Variants in PTN observed in about 807,000 individuals in gnomAD.
PTN encodes heparin affin regulatory protein.
In PTN, 18 loss-of-function variants were observed where a neutral mutation model predicts 24.1. That is an observed-to-expected ratio of 0.75 (90% confidence interval 0.52 to 1.11). The LOEUF (loss-of-function observed/expected upper bound fraction) is 1.11. Among genes scored for constraint, PTN ranks in the 50% least tolerant of loss-of-function variants. The pLI is 0.00. For missense variants in PTN, 163 were observed against 198.8 expected, an observed-to-expected ratio of 0.82 and a Z score of 1.08; for synonymous variants, 78 against 68.6, an observed-to-expected ratio of 1.14 and a Z score of -0.67.
intron 1 of PTN, among the ~76,000 whole-genome samples, chr7:137,269,602 T>C (rs534352879): frequency 1.1e-4 from 17 of 151,544 alleles, no homozygotes; most frequent in African/African-American, 4.1e-4. Flanking sequence ...TTGGTCTTGC[T>C]ATCTGTCAAG....
chr7:137,322,080 C>T (rs1482583942), intron 1 of PTN, among the ~76,000 whole-genome samples: 1 of 152,160 alleles, frequency 6.6e-6, no homozygotes, highest in African/African-American at 2.4e-5. Flanking sequence ...CCCTCCTTCC[C>T]TCGTACGTAG....
intron 1 of PTN, among the ~76,000 whole-genome samples, chr7:137,314,543 T>A (rs980359082): frequency 6.6e-6 from 1 of 151,544 alleles, no homozygotes; most frequent in African/African-American, 2.4e-5. Flanking sequence ...GTATACATTA[T>A]GCCTATTTTT....
intron 1 of PTN, among the ~76,000 whole-genome samples, chr7:137,311,478 C>T (rs1378778929): frequency 6.6e-6 from 1 of 152,160 alleles, no homozygotes; most frequent in African/African-American, 2.4e-5. Flanking sequence ...TTGCTTTTGG[C>T]CTATCTTGAC....
chr7:137,338,119 G>A (rs967123184), intron 1 of PTN, among the ~76,000 whole-genome samples: 1 of 151,980 alleles, frequency 6.6e-6, no homozygotes, highest in Non-Finnish European at 1.5e-5. Context: ...ACCTAGAGGG[G>A]GCATTTGCCT....
At chr7:137,256,828 A>G (rs1191139033) in intron 1 of PTN, among the ~76,000 whole-genome samples, 1 of 146,658 alleles carries the variant, frequency 6.8e-6, no homozygotes, top group East Asian at 2.0e-4. Flanking sequence ...AAAACAAAAC[A>G]AAAACCCCAT....
Position 137,275,984 on chromosome 7 carries a change from C to G in PTN, c.-1-21010G>C, listed in dbSNP as rs575679119. Among the ~76,000 whole-genome samples the G allele has an allele frequency of 9.2e-5, 14 of 152,308 alleles. No individual in the cohort carries two copies. The South Asian group carries it at 2.5e-3, about 27-fold the overall frequency. On this transcript the variant is annotated intron_variant, in intron 1 of 4. Transcript: ENST00000348225. ...AAAACATAATTAACAAAACAGCATG[C>G]AGGTTTTCAAATTCACTGCCATACA...
At chr7:137,243,404 A>G (rs1418517381) in intron 4 of PTN, among the ~76,000 whole-genome samples, 1 of 152,172 alleles carries the variant, frequency 6.6e-6, no homozygotes, top group Admixed American at 6.5e-5. Flanking sequence ...CTAATGCAAG[A>G]TTACCCTTGG....
In PTN at chr7:137,261,672, G is replaced by A. The variant is rs118181755; in HGVS notation, c.-1-6698C>T. Among the ~76,000 whole-genome samples, 960 of 152,298 alleles carry A rather than the reference G, an allele frequency of 6.3e-3. 9 individuals carry two copies. Among genetic ancestry groups the A allele is most frequent in the Middle Eastern group, 0.02 (6 of 294 alleles). Reference sequence around the variant, plus strand: ...TACGTGACATGGGAGCATTCAGAACGAAGACCCAAAGATTCAGGAGAAAAA... The same window carrying A: ...TACGTGACATGGGAGCATTCAGAACAAAGACCCAAAGATTCAGGAGAAAAA... On this transcript the variant is annotated intron_variant, in intron 1 of 4. Coordinates refer to ENST00000348225, the MANE Select transcript of PTN (RefSeq NM_002825.7).
chr7:137,307,637 C>T (rs1334682607), intron 1 of PTN, among the ~76,000 whole-genome samples: 1 of 152,024 alleles, frequency 6.6e-6, no homozygotes, highest in African/African-American at 2.4e-5. Flanking sequence ...TACATTACCT[C>T]CACAGTATGT....
At chr7:137,313,285 T>C (rs2128880119) in intron 1 of PTN, among the ~76,000 whole-genome samples, 1 of 152,252 alleles carries the variant, frequency 6.6e-6, no homozygotes, top group East Asian at 1.9e-4. Flanking sequence ...AAACAAACTT[T>C]TAAAAAGAAA....
intron 1 of PTN, among the ~76,000 whole-genome samples, chr7:137,309,218 C>T (rs1809939523): frequency 1.3e-5 from 2 of 152,198 alleles, no homozygotes; most frequent in East Asian, 3.9e-4. Flanking sequence ...TTTATGTTTA[C>T]ACTACACTGT....
chr7:137,277,520 G>A (rs1809380209), intron 1 of PTN, among the ~76,000 whole-genome samples: 1 of 152,116 alleles, frequency 6.6e-6, no homozygotes, highest in Admixed American at 6.6e-5. Flanking sequence ...TCTATCAACA[G>A]GTACATTGAT....
At chr7:137,257,322 C>T (rs1003476416) in intron 1 of PTN, among the ~76,000 whole-genome samples, 3 of 152,244 alleles carry the variant, frequency 2.0e-5, no homozygotes, top group South Asian at 2.1e-4. Flanking sequence ...AAGTAAAAAT[C>T]GCAGTTACTT....
At chr7:137,274,057 A>G (rs1254586606) in intron 1 of PTN, among the ~76,000 whole-genome samples, 1 of 151,564 alleles carries the variant, frequency 6.6e-6, no homozygotes, top group Non-Finnish European at 1.5e-5. Context: ...ACACACACAA[A>G]TAGCCTCTTA....
chr7:137,245,232 A>G (rs1326140836), intron 4 of PTN, among the ~76,000 whole-genome samples: 1 of 152,222 alleles, frequency 6.6e-6, no homozygotes, highest in Non-Finnish European at 1.5e-5. Flanking sequence ...GTTTGATTAG[A>G]ATGATAAAGA....
chr7:137,286,700 T>A, intron 1 of PTN, among the ~76,000 whole-genome samples: 1 of 152,138 alleles, frequency 6.6e-6, no homozygotes, highest in Admixed American at 6.5e-5. Flanking sequence ...CATATAGAGA[T>A]AAGCACCTCA....
chr7:137,255,077 T>A, intron 1 of PTN, 103 bp from the exon 2 acceptor site: 1 of 714,470 alleles, frequency 1.4e-6, no homozygotes, highest in Non-Finnish European at 2.1e-6. Flanking sequence ...ATTTCTGGAA[T>A]GTTAGATTTC....
chr7:137,298,566 T>C (rs1809755844), intron 1 of PTN, among the ~76,000 whole-genome samples: 1 of 151,928 alleles, frequency 6.6e-6, no homozygotes, highest in Admixed American at 6.6e-5. Context: ...CTGTGCACAC[T>C]CTTGGTGGCT....
intron 4 of PTN, among the ~76,000 whole-genome samples, chr7:137,247,028 G>A (rs1320211330): frequency 2.6e-5 from 4 of 152,166 alleles, no homozygotes; most frequent in African/African-American, 9.7e-5. Context: ...TTCAAAATTA[G>A]TGAGTTCCCT....
Sources: allele counts gnomAD v4.1 joint callset (sites outside exome capture counted in the v4.1 genomes callset), GRCh38; gene constraint gnomAD v4.1.1; transcripts MANE v1.5; gene names NCBI Gene and HGNC (gene_info 2026-07-23, HGNC 2026-07-21).